TGFBR1: variants seen among roughly 807,000 people sequenced by gnomAD.
TGFBR1 encodes the protein TGF-beta receptor type-1.
In TGFBR1, 20 loss-of-function variants were observed where a neutral mutation model predicts 55.1. The ratio of observed to expected loss-of-function variants is 0.36; its 90% CI spans 0.26 to 0.53. TGFBR1 has a LOEUF of 0.53. Among genes scored for constraint, TGFBR1 ranks in the 20% least tolerant of loss-of-function variants. The pLI, the probability that TGFBR1 is intolerant of heterozygous loss-of-function variation, is 0.91. For synonymous variants in TGFBR1, 220 were observed against 214.8 expected (o/e 1.02, Z -0.21); for missense variants, 385 against 617.6 (o/e 0.62, Z 3.99).
At chr9:99,120,760 T>A (rs1490424660) in intron 1 of TGFBR1, among the ~76,000 whole-genome samples, 1 of 152,194 alleles carries the variant, frequency 6.6e-6, no homozygotes, top group East Asian at 1.9e-4. Flanking sequence ...GTAGTAGAAT[T>A]GATGGATTAA....
chr9:99,105,020 C>T, upstream of TGFBR1: 3 of 381,304 alleles, frequency 7.9e-6, no homozygotes, highest in Non-Finnish European at 3.8e-6. Context: ...CTTGGCAGCT[C>T]GCGGCGGCGG....
intron 8 of TGFBR1, 90 bp from the exon 9 acceptor site, chr9:99,149,089 AT>A (rs1827892873): frequency 2.9e-6 from 4 of 1,373,536 alleles, no homozygotes; most frequent in Non-Finnish European, 4.0e-6. Flanking sequence ...TGTATATGTC[AT>A]TTAAAAAGAA....
Position 99,142,459 on chromosome 9 carries a change from G to A in TGFBR1, c.806-77G>A. The A allele has an allele frequency of 3.9e-6, 6 of 1,531,848 alleles. No homozygotes were observed. In the South Asian group the frequency reaches 6.8e-5, roughly 17 times the overall value. The allele number at this position is 1,531,848 out of a possible 1,614,324, so 94.9% of individuals were successfully genotyped here. On this transcript the variant is annotated intron_variant, in intron 4 of 8. Coordinates refer to ENST00000374994, the MANE Select transcript of TGFBR1 (RefSeq NM_004612.4). The stretch of plus-strand genomic sequence containing the variant: ...TGCAGTGTGTGACTCAGGATTGAGA[G>A]TAAAAAGTAATAACCATTGAACAAA...
At chr9:99,121,557 G>A (rs1826900348) in intron 1 of TGFBR1, among the ~76,000 whole-genome samples, 1 of 152,082 alleles carries the variant, frequency 6.6e-6, no homozygotes, top group Non-Finnish European at 1.5e-5. Context: ...TAGGTTGGAT[G>A]ATAAAAGGGG....
In TGFBR1 at chr9:99,138,021, C is replaced by T. The variant is rs1588585511; in HGVS notation, c.737C>T (p.Ala246Val). 1 of 1,614,004 alleles carries T rather than the reference C, an allele frequency of 6.2e-7. No homozygotes were observed. Among genetic ancestry groups the T allele is most frequent in the Middle Eastern group, 1.7e-4 (1 of 6,060 alleles). The stretch of plus-strand genomic sequence containing the variant: ...GAAGAACGTTCGTGGTTCCGTGAGG[C>T]AGAGATTTATCAAACTGTAATGTTA... The part of the protein sequence containing the change: ...SREERSWFRE[A>V]EIYQTVMLRH... The change falls in exon 4 of 9, where the codon GCA becomes GTA. Residue 246 changes from alanine to valine, a missense_variant. Physicochemically the swap from Ala to Val is moderately conservative, Grantham distance 64. Coordinates refer to ENST00000374994, the MANE Select transcript of TGFBR1 (RefSeq NM_004612.4).
At chr9:99,129,294 AGGT>A (rs1467029748) in intron 2 of TGFBR1, among the ~76,000 whole-genome samples, 194 bp downstream of exon 2, 1 of 152,240 alleles carries the variant, frequency 6.6e-6, no homozygotes, top group African/African-American at 2.4e-5. Context: ...TTGTTTAAGA[AGGT>A]GGTTCCAGGG....
At chr9:99,119,403 C>T (rs1219997310) in intron 1 of TGFBR1, among the ~76,000 whole-genome samples, 6 of 152,264 alleles carry the variant, frequency 3.9e-5, no homozygotes, top group African/African-American at 7.2e-5. Flanking sequence ...TACAGCCACT[C>T]GTGCTTTCCA....
chr9:99,144,871 C>T lies in TGFBR1; in HGVS notation c.1113C>T (p.His371=). Residue 371 remains histidine (H), a synonymous_variant, in exon 6 of 9, where the codon CAC becomes CAT. Transcript: ENST00000374994. ...ATACCATTGATATTGCTCCAAACCA[C>T]AGAGTGGGAACAAAAAGGTATACTT... is the stretch of plus-strand genomic sequence containing the variant. The part of the protein sequence containing the change: ...ATDTIDIAPN[H]RVGTKRYMAP... The T allele has an allele frequency of 6.2e-7, 1 of 1,613,896 alleles. No individual in the cohort carries two copies. Among genetic ancestry groups the T allele is most frequent in the Non-Finnish European group, 8.5e-7 (1 of 1,179,862 alleles).
At chr9:99,123,655 A>T (rs1588571110) in intron 1 of TGFBR1, among the ~76,000 whole-genome samples, 1 of 152,150 alleles carries the variant, frequency 6.6e-6, no homozygotes, top group African/African-American at 2.4e-5. Flanking sequence ...TAAAATTTTT[A>T]AAATTGTTTT....
Position 99,147,734 on chromosome 9 carries a change from T to G in TGFBR1, c.1336T>G (p.Cys446Gly). ...PSVEEMRKVV[C>G]EQKLRPNIPN... ...AGTTGAAGAAATGAGAAAAGTTGTT[T>G]GTGAACAGAAGTTAAGGCCAAATAT... Residue 446 changes from cysteine to glycine, a missense_variant, in exon 8 of 9, where the codon TGT (cysteine) becomes GGT (glycine). Physicochemically the swap from Cys to Gly is radical, Grantham distance 159. Coordinates refer to ENST00000374994, the MANE Select transcript of TGFBR1 (RefSeq NM_004612.4). 1 of 1,613,910 alleles carries G rather than the reference T, an allele frequency of 6.2e-7. No homozygotes were observed. The highest frequency in any genetic ancestry group is 8.5e-7 in the Non-Finnish European group (1 of 1,179,876).
intron 1 of TGFBR1, among the ~76,000 whole-genome samples, chr9:99,111,575 G>A (rs1345789654): frequency 2.0e-5 from 3 of 152,140 alleles, no homozygotes; most frequent in East Asian, 1.9e-4. Flanking sequence ...TTTGCAGTGA[G>A]CCGAGATTGC....
intron 5 of TGFBR1, 74 bp downstream of exon 5, chr9:99,142,777 G>GTCT: frequency 6.4e-7 from 1 of 1,555,738 alleles, no homozygotes; most frequent in Non-Finnish European, 8.8e-7. Context: ...AGAAGGTGGA[G>GTCT]GCTGGGCCTG....
rs1564182997 is a variant in TGFBR1, at chr9:99,151,385, G to GTTT, written c.*2080_*2081insTTT. 1 of 220,090 alleles carries GTTT rather than the reference G, an allele frequency of 4.5e-6. No homozygotes were observed. The highest frequency in any genetic ancestry group is 2.4e-5 in the African/African-American group (1 of 41,814). 13.6% of individuals were successfully genotyped at this position (220,090 alleles called of 1,614,324 possible). A position where few individuals can be genotyped will look rare whatever the true frequency, so the allele number is the denominator to read the frequency against. On this transcript the variant is annotated 3_prime_UTR_variant, in exon 9 of 9. Transcript: ENST00000374994. ...TGTGATCAGGTACTTTTTTTGTGGG[G>GTTT]GTTTTTTTTTTGTTTTTTTTTTTTT...
At chr9:99,132,084 T>C (rs948135540) in intron 2 of TGFBR1, among the ~76,000 whole-genome samples, 1 of 152,144 alleles carries the variant, frequency 6.6e-6, no homozygotes, top group African/African-American at 2.4e-5. Context: ...TTTTTTTTGT[T>C]GTTGTTTTTC....
Position 99,151,391 on chromosome 9 carries a change from T to G in TGFBR1, c.*2086T>G, listed in dbSNP as rs148063684. The G allele has an allele frequency of 1.1e-3, 232 of 215,386 alleles. 1 individual carries two copies. In the East Asian group the frequency reaches 0.015, roughly 14 times the overall value. The allele number at this position is 215,386 out of a possible 1,614,324, so 13.3% of individuals were successfully genotyped here. A position where few individuals can be genotyped will look rare whatever the true frequency, so the allele number is the denominator to read the frequency against. ...CAGGTACTTTTTTTGTGGGGGTTTT[T>G]TTTTTGTTTTTTTTTTTTTGTTGTT... On this transcript the variant is annotated 3_prime_UTR_variant, in exon 9 of 9. Coordinates refer to ENST00000374994, the MANE Select transcript of TGFBR1 (RefSeq NM_004612.4).
At chr9:99,133,527 G>A (rs1034413943) in intron 3 of TGFBR1, among the ~76,000 whole-genome samples, 3 of 152,188 alleles carry the variant, frequency 2.0e-5, no homozygotes, top group Non-Finnish European at 2.9e-5. Context: ...TATCCCCTGT[G>A]TTTTTAGAAT....
chr9:99,136,634 C>T (rs1431072729), intron 3 of TGFBR1, among the ~76,000 whole-genome samples: 1 of 152,112 alleles, frequency 6.6e-6, no homozygotes, highest in Non-Finnish European at 1.5e-5. Context: ...TATAGTTATA[C>T]TGCTAACTAC....
chr9:99,129,193 A>C, intron 2 of TGFBR1, 93 bp downstream of exon 2: 1 of 1,414,080 alleles, frequency 7.1e-7, no homozygotes, highest in South Asian at 1.2e-5. Flanking sequence ...AAAATTGTCT[A>C]ATCCAGCTCA....
chr9:99,103,762 G>A (rs1046959973), upstream of TGFBR1, among the ~76,000 whole-genome samples: 1 of 152,176 alleles, frequency 6.6e-6, no homozygotes, highest in African/African-American at 2.4e-5. Flanking sequence ...TAGACAGGAG[G>A]GAGAAAGCGC....
Sources: allele counts gnomAD v4.1 joint callset (sites outside exome capture counted in the v4.1 genomes callset), GRCh38; gene constraint gnomAD v4.1.1; transcripts MANE v1.5; gene names NCBI Gene and HGNC (gene_info 2026-07-23, HGNC 2026-07-21).